The following IL1RAP variants were observed in gnomAD, a reference collection of about 807,000 sequenced individuals.
The protein encoded by IL1RAP is interleukin 1 receptor accessory protein.
A neutral mutation model predicts 60.7 loss-of-function variants in IL1RAP; 35 were observed. The ratio of observed to expected loss-of-function variants is 0.58; its 90% CI spans 0.44 to 0.76. The LOEUF (loss-of-function observed/expected upper bound fraction) is 0.76, where lower values mean the gene tolerates loss of function less well. Ranked by LOEUF, IL1RAP falls within the 30% of genes least tolerant of loss-of-function variation. IL1RAP has a pLI of 0.00. For synonymous variants in IL1RAP, 268 were observed against 250.9 expected (o/e 1.07, Z -0.64); for missense variants, 572 against 693.9 (o/e 0.82, Z 1.97).
chr3:190,597,298 T>C (rs576023789), intron 3 of IL1RAP, among the ~76,000 whole-genome samples: 13 of 152,320 alleles, frequency 8.5e-5, no homozygotes, highest in South Asian at 8.3e-4. Flanking sequence ...TATTAACTTA[T>C]GTTATGAAAG....
In IL1RAP at chr3:190,624,343, C is replaced by T. The variant is rs147037274; in HGVS notation, c.775+928C>T. 2.9e-3 allele frequency among the ~76,000 whole-genome samples: 448 copies of T among 152,328 alleles called. 1 individual carries two copies. Among genetic ancestry groups the T allele is most frequent in the Non-Finnish European group, 3.9e-3 (265 of 68,028 alleles). ...GCTTGACTGGCATTTGGTGGTCAGACCTCCTCACAGAAATATTATTTGTTT... is the reference window on the plus strand; with the variant it reads ...GCTTGACTGGCATTTGGTGGTCAGATCTCCTCACAGAAATATTATTTGTTT... On this transcript the variant is annotated intron_variant, in intron 7 of 11. Transcript: ENST00000447382.
chr3:190,615,443 T>C, intron 5 of IL1RAP: 1 of 437,314 alleles, frequency 2.3e-6, no homozygotes. Context: ...TATTACTGTA[T>C]TAATTCTCTT....
At chr3:190,533,952 CT>C (rs71887850) in intron 1 of IL1RAP, among the ~76,000 whole-genome samples, 2,822 of 147,210 alleles carry the variant, frequency 0.019, 97 homozygotes, top group African/African-American at 0.065. Context: ...TGAAAAACTC[CT>C]TTTTTTTTTT....
chr3:190,533,258 C>T (rs1723145889), intron 1 of IL1RAP, among the ~76,000 whole-genome samples: 1 of 151,980 alleles, frequency 6.6e-6, no homozygotes, highest in Non-Finnish European at 1.5e-5. Context: ...CATATGAAAA[C>T]TACATTAGTA....
chr3:190,623,620 G>A (rs190159796), intron 7 of IL1RAP, among the ~76,000 whole-genome samples: 1 of 152,226 alleles, frequency 6.6e-6, no homozygotes, highest in African/African-American at 2.4e-5. Context: ...CTTCACTCTC[G>A]GTATCTGCTC....
At chr3:190,641,803 C>T (rs975042154) in intron 9 of IL1RAP, among the ~76,000 whole-genome samples, 2 of 152,086 alleles carry the variant, frequency 1.3e-5, no homozygotes, top group Non-Finnish European at 2.9e-5. Context: ...TGGAAATTAC[C>T]CTGTTGTACT....
At position 190,584,681 on chromosome 3, in the gene IL1RAP, C is replaced by T. The variant is rs891076515; in HGVS notation, c.65-19447C>T. On this transcript the variant is annotated intron_variant, in intron 3 of 11. Coordinates refer to ENST00000447382, the MANE Select transcript of IL1RAP (RefSeq NM_002182.4). ...GAAGTGTCTGTTAAAATATTTTGTC[C>T]CTTTTTAATTAAGTTCCTGATATTT... 3.3e-5 allele frequency among the ~76,000 whole-genome samples: 5 copies of T among 152,014 alleles called. No individual in the cohort carries two copies. In the East Asian group the frequency reaches 5.8e-4, roughly 18 times the overall value.
rs144474327 is a variant in IL1RAP at position 190,561,691 on chromosome 3, C to T, written c.-1-2598C>T. On this transcript the variant is annotated intron_variant, in intron 2 of 11. Transcript: ENST00000447382. ...TAGCTGAGAAGTGGGGCTGAAATTA[C>T]GGTTCCCTGAATGCAGTGAAATCTC... 3.9e-3 allele frequency among the ~76,000 whole-genome samples: 593 copies of T among 152,270 alleles called. 7 individuals carry two copies. The highest frequency in any genetic ancestry group is 0.035 in the South Asian group (168 of 4,830).
intron 10 of IL1RAP, 88 bp from the exon 11 acceptor site, chr3:190,645,611 T>C: frequency 9.7e-7 from 1 of 1,028,628 alleles, no homozygotes; most frequent in Non-Finnish European, 1.4e-6. Context: ...AATGAAAATG[T>C]CTAATATGCA....
intron 5 of IL1RAP, among the ~76,000 whole-genome samples, chr3:190,614,961 A>T (rs892244989): frequency 2.6e-5 from 4 of 152,104 alleles, no homozygotes; most frequent in African/African-American, 9.7e-5. Flanking sequence ...AGACAAACTG[A>T]GATTACAGGA....
chr3:190,622,013 C>T lies in IL1RAP; in HGVS notation c.704-1331C>T, dbSNP rs78639129. 7.8e-4 allele frequency among the ~76,000 whole-genome samples: 119 copies of T among 152,310 alleles called. 1 individual carries two copies. The East Asian group carries it at 0.015, about 19-fold the overall frequency. ...AACTGGTAACTAGTCATCAAGTAGACTAATGTGCCGGCCTTAACATCATGA... is the reference window on the plus strand; with the variant it reads ...AACTGGTAACTAGTCATCAAGTAGATTAATGTGCCGGCCTTAACATCATGA... On this transcript the variant is annotated intron_variant, in intron 6 of 11. Transcript: ENST00000447382.
intron 4 of IL1RAP, among the ~76,000 whole-genome samples, chr3:190,605,416 T>G (rs1007426813): frequency 1.3e-5 from 2 of 152,172 alleles, no homozygotes; most frequent in Admixed American, 6.5e-5. Flanking sequence ...TTTTCAGGGT[T>G]AATTATTTGG....
chr3:190,652,878 C>T (rs534792130), downstream of IL1RAP, among the ~76,000 whole-genome samples: 89 of 152,288 alleles, frequency 5.8e-4, no homozygotes, highest in African/African-American at 2.1e-3. Flanking sequence ...CAGCATTTTG[C>T]ATATGATCTA....
intron 2 of IL1RAP, among the ~76,000 whole-genome samples, chr3:190,560,725 G>A (rs1394301202): frequency 3.9e-5 from 6 of 152,210 alleles, no homozygotes; most frequent in African/African-American, 1.4e-4. Flanking sequence ...TCAGTGGTCA[G>A]AGTGATGCAG....
chr3:190,641,916 T>C (rs1733688602), intron 9 of IL1RAP, among the ~76,000 whole-genome samples: 1 of 152,202 alleles, frequency 6.6e-6, no homozygotes, highest in African/African-American at 2.4e-5. Context: ...ACACAGCTTC[T>C]GGAATTTATG....
At chr3:190,647,698 A>T (rs1337784273) in intron 11 of IL1RAP, among the ~76,000 whole-genome samples, 1 of 152,136 alleles carries the variant, frequency 6.6e-6, no homozygotes, top group African/African-American at 2.4e-5. Flanking sequence ...CCCACCGAGG[A>T]TGTGTTACCA....
chr3:190,654,816 A>T (rs989087354), downstream of IL1RAP, among the ~76,000 whole-genome samples: 3 of 152,220 alleles, frequency 2.0e-5, no homozygotes, highest in Admixed American at 2.0e-4. Flanking sequence ...TACAATTTTG[A>T]ACCTTTTTCC....
intron 2 of IL1RAP, among the ~76,000 whole-genome samples, chr3:190,559,258 G>T (rs1725683410): frequency 6.6e-6 from 1 of 152,126 alleles, no homozygotes; most frequent in African/African-American, 2.4e-5. Context: ...TATTTTTAGT[G>T]ATAGTACCTT....
intron 5 of IL1RAP, among the ~76,000 whole-genome samples, chr3:190,612,969 C>T (rs1730951443): frequency 6.6e-6 from 1 of 151,962 alleles, no homozygotes; most frequent in Admixed American, 6.6e-5. Flanking sequence ...GTTGAGGGAA[C>T]ACCATAATGA....
Sources: allele counts gnomAD v4.1 joint callset (sites outside exome capture counted in the v4.1 genomes callset), GRCh38; gene constraint gnomAD v4.1.1; transcripts MANE v1.5; gene names NCBI Gene and HGNC (gene_info 2026-07-23, HGNC 2026-07-21).